Variants in VAV1 observed in about 807,000 individuals in gnomAD.
The protein encoded by VAV1 is vav guanine nucleotide exchange factor 1, also known as proto-oncogene vav.
Under a neutral mutation model 128.1 loss-of-function variants are expected in VAV1, and 33 were observed. The observed-to-expected ratio is 0.26, with a 90% CI of 0.20 to 0.34. The LOEUF is 0.34. Ranked by LOEUF, VAV1 falls within the 10% of genes least tolerant of loss-of-function variation. The pLI is 1.00. For missense variants in VAV1, 715 were observed against 1,093.7 expected (o/e 0.65, Z 4.88); for synonymous variants, 394 against 409.8 (o/e 0.96, Z 0.47).
At chr19:6,847,635 C>T (rs1394876911) in intron 22 of VAV1, among the ~76,000 whole-genome samples, 1 of 152,134 alleles carries the variant, frequency 6.6e-6, no homozygotes, top group Non-Finnish European at 1.5e-5. Flanking sequence ...GTGACTCATT[C>T]TCCTTCCCCT....
chr19:6,836,410 A>C, intron 19 of VAV1, 22 bp from the exon 20 acceptor site: 5 of 1,608,882 alleles, frequency 3.1e-6, no homozygotes, highest in Non-Finnish European at 4.2e-6. Flanking sequence ...ACCACCCTGT[A>C]CTCCTGTACC....
chr19:6,785,737 G>A (rs1384528439), intron 1 of VAV1, among the ~76,000 whole-genome samples: 2 of 148,126 alleles, frequency 1.4e-5, no homozygotes, highest in African/African-American at 5.0e-5. Context: ...TCAGCTCACC[G>A]CAACCTCTGC....
At chr19:6,796,500 C>G (rs1483309509) in intron 1 of VAV1, among the ~76,000 whole-genome samples, 1 of 152,186 alleles carries the variant, frequency 6.6e-6, no homozygotes, top group Non-Finnish European at 1.5e-5. Flanking sequence ...ATGCCAGGGC[C>G]TCAGGGCCTT....
intron 1 of VAV1, among the ~76,000 whole-genome samples, chr19:6,775,481 G>A (rs771508178): frequency 1.3e-5 from 2 of 152,150 alleles, no homozygotes; most frequent in Non-Finnish European, 2.9e-5. Flanking sequence ...ACCCAGATGG[G>A]GTCAGGCTTT....
chr19:6,826,542 G>GAA lies in VAV1; in HGVS notation c.828-70_828-69insAA. On this transcript the variant is annotated intron_variant, in intron 8 of 26. Transcript: ENST00000602142. The surrounding 1 kb of genome is among the most constrained non-coding windows in gnomAD (Gnocchi z 4.1). The stretch of plus-strand genomic sequence containing the variant: ...CTCCAGCGGGGAAGAGCAAGGCCAG[G>GAA]GCTGACGCCAGCCTCTGCCCGACCT... 8.1e-7 allele frequency: 1 copy of GAA among 1,237,766 alleles called. No homozygotes were observed. The allele number at this position is 1,237,766 out of a possible 1,614,324, so 76.7% of individuals were successfully genotyped here. A position where few individuals can be genotyped will look rare whatever the true frequency, so the allele number is the denominator to read the frequency against.
In VAV1 at chr19:6,836,502, TCTACGG is replaced by T; in HGVS notation, c.1851_1856del (p.Arg618_Leu619del). On this transcript the variant is annotated inframe_deletion, in exon 20 of 27. Transcript: ENST00000602142. ...CACCCCCTGGAGCCATTGGACCCTT[TCTACGG>T]CTCAACCCTGGAGACATTGTGGAGC... The T allele has an allele frequency of 6.2e-7, 1 of 1,614,102 alleles. No homozygotes were observed. Among genetic ancestry groups the T allele is most frequent in the South Asian group, 1.1e-5 (1 of 91,086 alleles).
chr19:6,785,520 C>T (rs576882258), intron 1 of VAV1, among the ~76,000 whole-genome samples: 3 of 151,744 alleles, frequency 2.0e-5, no homozygotes, highest in East Asian at 3.9e-4. Flanking sequence ...TTAGTAGAGA[C>T]GGAGTTTCAC....
In VAV1 at chr19:6,836,473, C is replaced by T; in HGVS notation, c.1819C>T (p.Pro607Ser). Reference protein sequence around the residue: ...MEVFQEYYGLPPPPGAIGPFL... With the variant: ...MEVFQEYYGLSPPPGAIGPFL... ...GGTGTTTCAGGAATACTACGGGCTTCCTCCACCCCCTGGAGCCATTGGACC... is the reference window on the plus strand; with the variant it reads ...GGTGTTTCAGGAATACTACGGGCTTTCTCCACCCCCTGGAGCCATTGGACC... The change falls in exon 20 of 27, where the codon CCT becomes TCT. Residue 607 changes from proline to serine, a missense_variant. Around this residue, in one of 3 missense-constraint regions of VAV1, gnomAD observed 407 missense variants for 580.6 expected, o/e 0.70. Coordinates refer to ENST00000602142, the MANE Select transcript of VAV1 (RefSeq NM_005428.4). 6.2e-7 allele frequency: 1 copy of T among 1,614,116 alleles called. No homozygotes were observed. Among genetic ancestry groups the T allele is most frequent in the South Asian group, 1.1e-5 (1 of 91,074 alleles).
intron 23 of VAV1, 37 bp downstream of exon 23, chr19:6,848,151 C>G (rs1379123187): frequency 1.3e-6 from 2 of 1,510,676 alleles, no homozygotes; most frequent in Non-Finnish European, 1.8e-6. Context: ...CCTTTTGGGG[C>G]CTGGGCCCTG....
At chr19:6,776,117 C>CATCCATCCA (rs139722302) in intron 1 of VAV1, among the ~76,000 whole-genome samples, 183 of 149,494 alleles carry the variant, frequency 1.2e-3, no homozygotes, top group African/African-American at 4.5e-3. Context: ...TCCATCCATC[C>CATCCATCCA]ATCCATCTGC....
chr19:6,799,611 C>G (rs1055634468), intron 1 of VAV1, among the ~76,000 whole-genome samples: 1 of 152,038 alleles, frequency 6.6e-6, no homozygotes, highest in Non-Finnish European at 1.5e-5. Context: ...TAACCCCCAG[C>G]CCCCGACAGG....
At chr19:6,808,505 C>T (rs923292018) in intron 1 of VAV1, among the ~76,000 whole-genome samples, 4 of 152,176 alleles carry the variant, frequency 2.6e-5, no homozygotes. Context: ...TGAGCTTAAT[C>T]AGTCCAAGGC....
chr19:6,844,248 T>A lies in VAV1; in HGVS notation c.2012+1082T>A, dbSNP rs149207101. ...AAAACACAGCATGATGATGCTCCCATCTTCTTGTTGCCCAGGCTGGAGCGC... is the reference window on the plus strand; with the variant it reads ...AAAACACAGCATGATGATGCTCCCAACTTCTTGTTGCCCAGGCTGGAGCGC... On this transcript the variant is annotated intron_variant, in intron 22 of 26. Transcript: ENST00000602142. Among the ~76,000 whole-genome samples the A allele has an allele frequency of 5.9e-3, 899 of 152,018 alleles. 8 individuals carry two copies. The highest frequency in any genetic ancestry group is 0.02 in the African/African-American group (849 of 41,478).
In VAV1 at chr19:6,813,094, T is replaced by A. The variant is rs1971547557; in HGVS notation, c.205-7608T>A. On this transcript the variant is annotated intron_variant, in intron 1 of 26. Transcript: ENST00000602142. Reference sequence around the variant, plus strand: ...CTTAATTGTATAAAACAACCATTTATTATGCTTATGGATTATTTGGGTCAA... The same window carrying A: ...CTTAATTGTATAAAACAACCATTTAATATGCTTATGGATTATTTGGGTCAA... 1.3e-5 allele frequency among the ~76,000 whole-genome samples: 2 copies of A among 152,230 alleles called. 1 individual carries two copies. The highest frequency in any genetic ancestry group is 4.1e-4 in the South Asian group (2 of 4,826).
chr19:6,804,924 C>T (rs1599638836), intron 1 of VAV1, among the ~76,000 whole-genome samples: 3 of 151,524 alleles, frequency 2.0e-5, no homozygotes, highest in African/African-American at 7.3e-5. Flanking sequence ...GAGTTTTCAC[C>T]ATGTTAGCCA....
At chr19:6,778,267 G>A (rs1247360771) in intron 1 of VAV1, among the ~76,000 whole-genome samples, 1 of 152,160 alleles carries the variant, frequency 6.6e-6, no homozygotes, top group African/African-American at 2.4e-5. Context: ...CCAAAATCTG[G>A]GCTGCGGAGA....
chr19:6,852,029 C>T (rs1972682643), intron 24 of VAV1, among the ~76,000 whole-genome samples: 2 of 151,930 alleles, frequency 1.3e-5, no homozygotes, highest in Admixed American at 1.3e-4. Context: ...AAAAAAAATA[C>T]AAGAGACAGG....
intron 1 of VAV1, among the ~76,000 whole-genome samples, chr19:6,789,977 G>A (rs900886515): frequency 5.9e-5 from 9 of 152,122 alleles, no homozygotes; most frequent in African/African-American, 1.7e-4. Context: ...ATGCTGAGGC[G>A]GGTGGATCTC....
chr19:6,797,481 T>A (rs1971163085), intron 1 of VAV1, among the ~76,000 whole-genome samples: 1 of 152,036 alleles, frequency 6.6e-6, no homozygotes, highest in Admixed American at 6.6e-5. Context: ...GGCGGGCGGA[T>A]CATCTGAGGT....
Sources: gnomAD v4.1 joint callset for allele counts (sites outside exome capture counted in the v4.1 genomes callset) on GRCh38, gnomAD v4.1.1 for gene constraint, gnomAD v4.1.1 regional missense constraint, Gnocchi (gnomAD v3.1) non-coding constraint, MANE v1.5 for transcripts, NCBI Gene and HGNC (gene_info 2026-07-23, HGNC 2026-07-21) for gene names.